The following SDK1 variants were observed in gnomAD, a reference collection of about 807,000 sequenced individuals.
SDK1 encodes the protein sidekick cell adhesion molecule 1.
SDK1 carries 157 observed loss-of-function variants against 245.5 expected under a neutral mutation model. That is an observed-to-expected ratio of 0.64 (90% CI 0.56 to 0.73). The LOEUF (loss-of-function observed/expected upper bound fraction) is 0.73. Among genes scored for constraint, SDK1 ranks in the 30% least tolerant of loss-of-function variants. The probability of loss-of-function intolerance (pLI) is 0.00; values close to 1 mark genes in which losing one functional copy is unlikely to be tolerated. For synonymous variants in SDK1, 1,647 were observed against 1,278.5 expected, an observed-to-expected ratio of 1.29 and a Z score of -6.15; for missense variants, 3,583 against 3,002.3, an observed-to-expected ratio of 1.19 and a Z score of -4.52.
intron 5 of SDK1, among the ~76,000 whole-genome samples, chr7:3,840,847 G>A (rs1346370747): frequency 1.3e-5 from 2 of 152,210 alleles, no homozygotes; most frequent in Non-Finnish European, 2.9e-5. Context: ...TAGGGATCGG[G>A]ACCTCTGGGA....
In SDK1 at chr7:3,933,422, G is replaced by T. The variant is rs940313116; in HGVS notation, c.848-17501G>T. ...GCCGCTGCACCCAGCTGATCCTGGT[G>T]TTCGGACACGGGATGCTGTTCCATT... On this transcript the variant is annotated intron_variant, in intron 5 of 44. Transcript: ENST00000404826. Among the ~76,000 whole-genome samples, 3 of 152,268 alleles carry T rather than the reference G, an allele frequency of 2.0e-5. No homozygotes were observed. In the South Asian group the frequency reaches 6.2e-4, roughly 32 times the overall value.
chr7:3,629,185 C>T (rs985107092), intron 2 of SDK1, among the ~76,000 whole-genome samples: 5 of 151,216 alleles, frequency 3.3e-5, no homozygotes, highest in African/African-American at 9.7e-5. Context: ...CCTGTAGTCC[C>T]ATCTACTCGG....
intron 1 of SDK1, among the ~76,000 whole-genome samples, chr7:3,515,457 T>G (rs1427438985): frequency 6.6e-6 from 1 of 152,196 alleles, no homozygotes; most frequent in African/African-American, 2.4e-5. Flanking sequence ...GCTAAAACTA[T>G]CATAATTTCT....
At chr7:3,463,390 T>A (rs1226430299) in intron 1 of SDK1, among the ~76,000 whole-genome samples, 1 of 152,160 alleles carries the variant, frequency 6.6e-6, no homozygotes, top group African/African-American at 2.4e-5. Context: ...GAACATAGAT[T>A]GAGTTTTGAG....
At chr7:3,583,076 A>C (rs1045095663) in intron 1 of SDK1, among the ~76,000 whole-genome samples, 1 of 152,172 alleles carries the variant, frequency 6.6e-6, no homozygotes, top group Non-Finnish European at 1.5e-5. Flanking sequence ...GAGTAAAAGC[A>C]TTTGGACAAG....
chr7:3,879,186 C>T (rs970564676), intron 5 of SDK1, among the ~76,000 whole-genome samples: 2 of 152,072 alleles, frequency 1.3e-5, no homozygotes, highest in Admixed American at 6.5e-5. Flanking sequence ...TCTTACTATT[C>T]GTGAAGCCAA....
chr7:3,958,799 T>C, intron 7 of SDK1, 132 bp from the exon 8 acceptor site: 1 of 740,614 alleles, frequency 1.4e-6, no homozygotes, highest in Admixed American at 2.3e-5. Flanking sequence ...TCTGAGTTTG[T>C]ATGCACGATG....
intron 4 of SDK1, among the ~76,000 whole-genome samples, chr7:3,723,850 A>G (rs375774703): frequency 7.8e-6 from 1 of 129,016 alleles, no homozygotes; most frequent in Non-Finnish European, 1.6e-5. Flanking sequence ...ATACACGTAC[A>G]TATACATATA....
At chr7:3,648,377 C>T (rs1782913795) in intron 4 of SDK1, among the ~76,000 whole-genome samples, 1 of 152,134 alleles carries the variant, frequency 6.6e-6, no homozygotes, top group Admixed American at 6.6e-5. Context: ...TGTGCAAGCA[C>T]AAGTATTCTT....
chr7:3,635,378 G>A (rs1048622795), intron 2 of SDK1, among the ~76,000 whole-genome samples: 1 of 152,200 alleles, frequency 6.6e-6, no homozygotes, highest in Non-Finnish European at 1.5e-5. Flanking sequence ...TGAATTACCT[G>A]TGTTGTCCAA....
chr7:3,512,991 C>T (rs946887605), intron 1 of SDK1, among the ~76,000 whole-genome samples: 1 of 152,068 alleles, frequency 6.6e-6, no homozygotes. Context: ...TGCCTGAAAA[C>T]CTCCCCTGTG....
intron 39 of SDK1, among the ~76,000 whole-genome samples, 189 bp from the exon 40 acceptor site, chr7:4,221,050 G>A (rs755373236): frequency 1.8e-4 from 28 of 152,084 alleles, no homozygotes; most frequent in Non-Finnish European, 3.5e-4. Flanking sequence ...GCTTTCAGGC[G>A]TGAGCCACCA....
chr7:3,749,556 C>T (rs776315904), intron 4 of SDK1, among the ~76,000 whole-genome samples: 1 of 152,062 alleles, frequency 6.6e-6, no homozygotes, highest in African/African-American at 2.4e-5. Context: ...GCCTTGGCCT[C>T]CCAAAGTGCT....
At position 4,133,613 on chromosome 7, in the gene SDK1, G is replaced by T. The variant is rs190023419; in HGVS notation, c.4228+1190G>T. Among the ~76,000 whole-genome samples, 862 of 152,330 alleles carry T rather than the reference G, an allele frequency of 5.7e-3. 4 individuals carry two copies. The highest frequency in any genetic ancestry group is 9.1e-3 in the Non-Finnish European group (619 of 68,030). On this transcript the variant is annotated intron_variant, in intron 28 of 44. Coordinates refer to ENST00000404826, the MANE Select transcript of SDK1 (RefSeq NM_152744.4). ...GGAAGGGGGCTGTCCACTCAGCCAA[G>T]ACCGAATGCTTTCAGCCTTTGGGAG...
intron 33 of SDK1, among the ~76,000 whole-genome samples, chr7:4,175,280 C>G (rs187918329): frequency 6.6e-6 from 1 of 152,332 alleles, no homozygotes; most frequent in African/African-American, 2.4e-5. Context: ...GACCACCAGA[C>G]AGTTGGCATC....
chr7:3,798,223 T>G (rs1332089557), intron 4 of SDK1, among the ~76,000 whole-genome samples: 1 of 144,470 alleles, frequency 6.9e-6, no homozygotes, highest in East Asian at 2.0e-4. Flanking sequence ...TTTTTTTTTT[T>G]TTTTTTTTTT....
chr7:4,057,927 C>G (rs1478730700), intron 19 of SDK1, among the ~76,000 whole-genome samples: 1 of 152,034 alleles, frequency 6.6e-6, no homozygotes, highest in Non-Finnish European at 1.5e-5. Flanking sequence ...GAAAGCAAAT[C>G]CAAAAAATTA....
At chr7:3,997,692 A>G (rs55643818) in intron 14 of SDK1, among the ~76,000 whole-genome samples, 10,221 of 152,172 alleles carry the variant, frequency 0.067, 436 homozygotes, top group Middle Eastern at 0.12. Flanking sequence ...GGATTGGTCA[A>G]TGGGTGACCA....
In SDK1 at chr7:3,482,223, A is replaced by G. The variant is rs74799304; in HGVS notation, c.299-136857A>G. ...CCTACTAACAACAATTAAAAATATT[A>G]GAGGAGAGATGTAAAAAACTATTGA... On this transcript the variant is annotated intron_variant, in intron 1 of 44. Transcript: ENST00000404826. 9.8e-3 allele frequency among the ~76,000 whole-genome samples: 1,487 copies of G among 152,324 alleles called. 26 individuals are homozygous for G. Among genetic ancestry groups the G allele is most frequent in the African/African-American group, 0.034 (1,401 of 41,570 alleles).
Sources: gnomAD v4.1 joint callset for allele counts (sites outside exome capture counted in the v4.1 genomes callset) on GRCh38, gnomAD v4.1.1 for gene constraint, MANE v1.5 for transcripts, NCBI Gene and HGNC (gene_info 2026-07-23, HGNC 2026-07-21) for gene names.